The following ASXL3 variants were observed in gnomAD, a reference collection of about 807,000 sequenced individuals.
ASXL3 encodes ASXL transcriptional regulator 3.
In ASXL3, 34 loss-of-function variants were observed where a neutral mutation model predicts 170.6. The ratio of observed to expected loss-of-function variants is 0.20; its 90% CI spans 0.15 to 0.27. The LOEUF is 0.27. Ranked by LOEUF, ASXL3 falls within the 10% of genes least tolerant of loss-of-function variation. The pLI, the probability that ASXL3 is intolerant of heterozygous loss-of-function variation, is 1.00. For missense variants in ASXL3, 2,592 were observed against 2,695.3 expected (o/e 0.96, Z 0.85); for synonymous variants, 1,002 against 989.1 (o/e 1.01, Z -0.24).
intron 2 of ASXL3, among the ~76,000 whole-genome samples, chr18:33,617,836 A>C (rs984611926): frequency 6.6e-6 from 1 of 152,190 alleles, no homozygotes; most frequent in Non-Finnish European, 1.5e-5. Context: ...ATGTAAAATT[A>C]CATTGTGTGT....
intron 8 of ASXL3, among the ~76,000 whole-genome samples, chr18:33,731,723 C>T (rs1275455503): frequency 6.6e-6 from 1 of 152,136 alleles, no homozygotes. Flanking sequence ...TACATCTAAA[C>T]TCCTAGTATT....
Position 33,582,643 on chromosome 18 carries a change from T to C in ASXL3, c.54+3958T>C, listed in dbSNP as rs537957091. Reference sequence around the variant, plus strand: ...TGTGCTTGGTAACATGGCTGATTTATTTACTTGTAGTTTAGATACATGCAC... The same window carrying C: ...TGTGCTTGGTAACATGGCTGATTTACTTACTTGTAGTTTAGATACATGCAC... On this transcript the variant is annotated intron_variant, in intron 1 of 11. Transcript: ENST00000269197. Among the ~76,000 whole-genome samples, 3 of 152,280 alleles carry C rather than the reference T, an allele frequency of 2.0e-5. 1 individual carries two copies. In the South Asian group the frequency reaches 6.2e-4, roughly 32 times the overall value.
intron 8 of ASXL3, among the ~76,000 whole-genome samples, chr18:33,693,265 A>G (rs1405161706): frequency 2.6e-5 from 4 of 152,206 alleles, no homozygotes; most frequent in Admixed American, 1.3e-4. Context: ...TTTTAAAGCT[A>G]GGGTAGACTT....
intron 1 of ASXL3, among the ~76,000 whole-genome samples, chr18:33,582,823 T>A (rs544347794): frequency 6.6e-6 from 1 of 152,068 alleles, no homozygotes; most frequent in East Asian, 1.9e-4. Context: ...AACAGGCACA[T>A]AACCTTTTAC....
At chr18:33,712,678 T>G (rs1170934796) in intron 8 of ASXL3, among the ~76,000 whole-genome samples, 1 of 151,956 alleles carries the variant, frequency 6.6e-6, no homozygotes, top group Non-Finnish European at 1.5e-5. Flanking sequence ...AGGATACTCC[T>G]GAAACTTTCT....
At chr18:33,670,577 T>G (rs1445981405) in intron 5 of ASXL3, 96 bp from the exon 6 acceptor site, 5 of 853,766 alleles carry the variant, frequency 5.9e-6, no homozygotes, top group Non-Finnish European at 8.7e-6. Context: ...TCTTAAGAGG[T>G]TCTATGTAAT....
chr18:33,691,644 G>C (rs550822365), intron 8 of ASXL3, among the ~76,000 whole-genome samples: 1 of 152,116 alleles, frequency 6.6e-6, no homozygotes, highest in Non-Finnish European at 1.5e-5. Flanking sequence ...TGTTCTAGAG[G>C]AGAGAGAGAG....
rs758858670 is a variant in ASXL3, at chr18:33,670,618, T to C, written c.478-55T>C. The stretch of plus-strand genomic sequence containing the variant: ...ACAAATGAGTCACTTAATTCAATTA[T>C]GAGAAATTATTTTGGCTATATTTTT... On this transcript the variant is annotated intron_variant, in intron 5 of 11. Coordinates refer to ENST00000269197, the MANE Select transcript of ASXL3 (RefSeq NM_030632.3). 456 of 1,306,806 alleles carry C rather than the reference T, an allele frequency of 3.5e-4. 3 individuals are homozygous for C. The highest frequency in any genetic ancestry group is 2.3e-4 in the Non-Finnish European group (216 of 949,018). 81.0% of individuals were successfully genotyped at this position (1,306,806 alleles called of 1,614,324 possible).
rs189786599 is a variant in ASXL3, at chr18:33,739,329, C to T, written c.1925C>T (p.Pro642Leu). 2.4e-4 allele frequency: 391 copies of T among 1,613,512 alleles called. 7 individuals carry two copies. In the East Asian group the frequency reaches 4.9e-3, roughly 20 times the overall value. The change falls in exon 11 of 12, where the codon CCA becomes CTA. Residue 642 changes from proline (P) to leucine (L), a missense_variant. Around this residue, in one of 4 missense-constraint regions of ASXL3, gnomAD observed 2,246 missense variants for 2,219.6 expected, o/e 1.01. Coordinates refer to ENST00000269197, the MANE Select transcript of ASXL3 (RefSeq NM_030632.3). ...TCCACATCAGAAGAATCATGTACTC[C>T]AGCCTCCCTTGAGACAACATTTTGT... ...TQSTSEESCT[P>L]ASLETTFCSE...
chr18:33,694,400 A>G (rs75432467), intron 8 of ASXL3, among the ~76,000 whole-genome samples: 3,288 of 152,254 alleles, frequency 0.022, 123 homozygotes, highest in African/African-American at 0.075. Context: ...AATGTCAACT[A>G]AAGTGGAGTC....
In ASXL3 at chr18:33,592,058, G is replaced by A. The variant is rs183982875; in HGVS notation, c.54+13373G>A. Reference sequence around the variant, plus strand: ...GAGAATGAAATCCTTAATCAGGGGAGTCTACCCTCTCCTATCTTTGTATGA... The same window carrying A: ...GAGAATGAAATCCTTAATCAGGGGAATCTACCCTCTCCTATCTTTGTATGA... On this transcript the variant is annotated intron_variant, in intron 1 of 11. Transcript: ENST00000269197. Among the ~76,000 whole-genome samples, 673 of 152,204 alleles carry A rather than the reference G, an allele frequency of 4.4e-3. 4 individuals carry two copies. Among genetic ancestry groups the A allele is most frequent in the Non-Finnish European group, 7.4e-3 (501 of 68,006 alleles).
intron 5 of ASXL3, among the ~76,000 whole-genome samples, chr18:33,662,322 C>T (rs896692652): frequency 2.0e-5 from 3 of 152,100 alleles, no homozygotes; most frequent in East Asian, 1.9e-4. Context: ...GCTCTGGGCA[C>T]GGACATGCCC....
chr18:33,696,448 A>G (rs1388620203), intron 8 of ASXL3, among the ~76,000 whole-genome samples: 3 of 152,120 alleles, frequency 2.0e-5, no homozygotes, highest in Non-Finnish European at 2.9e-5. Context: ...CTTATCAGTC[A>G]TGGAACCTAG....
intron 8 of ASXL3, among the ~76,000 whole-genome samples, chr18:33,696,832 T>G (rs2066780904): frequency 6.6e-6 from 1 of 152,170 alleles, no homozygotes; most frequent in African/African-American, 2.4e-5. Context: ...AAAGGAAGGC[T>G]CAGCCTCAAT....
chr18:33,668,471 G>T (rs2066292937), intron 5 of ASXL3, among the ~76,000 whole-genome samples: 1 of 151,462 alleles, frequency 6.6e-6, no homozygotes, highest in Admixed American at 6.6e-5. Context: ...TTATATAGTA[G>T]GCATTTAGTT....
intron 8 of ASXL3, among the ~76,000 whole-genome samples, chr18:33,687,666 GTGTTT>G (rs2066618284): frequency 6.6e-6 from 1 of 152,084 alleles, no homozygotes; most frequent in Non-Finnish European, 1.5e-5. Flanking sequence ...ATCTTTTTGG[GTGTTT>G]TGTTTTCCTA....
chr18:33,579,585 A>G (rs1338980003), intron 1 of ASXL3, among the ~76,000 whole-genome samples: 6 of 152,036 alleles, frequency 3.9e-5, no homozygotes, highest in African/African-American at 7.2e-5. Context: ...TGATGCATGT[A>G]TATGTGTGGG....
rs2067590958 is a variant in ASXL3 at position 33,738,659 on chromosome 18, T to G, written c.1255T>G (p.Cys419Gly). 1 of 1,613,866 alleles carries G rather than the reference T, an allele frequency of 6.2e-7. No homozygotes were observed. The highest frequency in any genetic ancestry group is 1.7e-5 in the Admixed American group (1 of 60,008). Residue 419 changes from cysteine (C) to glycine (G), a missense_variant, in exon 11 of 12, where the codon TGT becomes GGT. Cys to Gly is a radical substitution (Grantham distance 159). Coordinates refer to ENST00000269197, the MANE Select transcript of ASXL3 (RefSeq NM_030632.3). ...CCCAGCTTCTCCAGAGCCTGGTTTCTGTGCTACTCTTTGCCCTATGGTAGA... is the reference window on the plus strand; with the variant it reads ...CCCAGCTTCTCCAGAGCCTGGTTTCGGTGCTACTCTTTGCCCTATGGTAGA... ...KSPASPEPGF[C>G]ATLCPMVEIP...
chr18:33,744,732 T>C lies in ASXL3; in HGVS notation c.4884T>C (p.Ser1628=). Residue 1628 remains serine, a synonymous_variant, in exon 12 of 12, where the codon AGT becomes AGC. Coordinates refer to ENST00000269197, the MANE Select transcript of ASXL3 (RefSeq NM_030632.3). The part of the protein sequence containing the change: ...GQPLVTHSGS[S]KQKEYLEQSC... ...CTCTGGTTACTCACTCGGGTTCAAG[T>C]AAACAAAAAGAATATCTAGAGCAAA... 1 of 1,613,768 alleles carries C rather than the reference T, an allele frequency of 6.2e-7. No homozygotes were observed. The highest frequency in any genetic ancestry group is 1.1e-5 in the South Asian group (1 of 91,030).
Sources: gnomAD v4.1 joint callset for allele counts (sites outside exome capture counted in the v4.1 genomes callset) on GRCh38, gnomAD v4.1.1 for gene constraint, gnomAD v4.1.1 regional missense constraint, MANE v1.5 for transcripts, NCBI Gene and HGNC (gene_info 2026-07-23, HGNC 2026-07-21) for gene names.